The following EIF4G3 variants were observed in gnomAD, a reference collection of about 807,000 sequenced individuals.
EIF4G3 encodes eukaryotic translation initiation factor 4 gamma 3, also known as eIF-4-gamma 3.
Under a neutral mutation model 186.4 loss-of-function variants are expected in EIF4G3, and 34 were observed. The ratio of observed to expected loss-of-function variants is 0.18; its 90% CI spans 0.14 to 0.24. The LOEUF is 0.24. Among genes scored for constraint, EIF4G3 ranks in the 10% least tolerant of loss-of-function variants. The pLI is 1.00. For synonymous variants in EIF4G3, 673 were observed against 679.5 expected, an observed-to-expected ratio of 0.99 and a Z score of 0.15; for missense variants, 1,536 against 1,948.5, an observed-to-expected ratio of 0.79 and a Z score of 3.99.
intron 13 of EIF4G3, among the ~76,000 whole-genome samples, chr1:20,944,881 C>T (rs898460796): frequency 6.6e-6 from 1 of 151,594 alleles, no homozygotes; most frequent in Non-Finnish European, 1.5e-5. Flanking sequence ...GGTGTGCATT[C>T]GTGGTCCCAG....
chr1:20,870,980 T>C (rs565298396), intron 20 of EIF4G3, among the ~76,000 whole-genome samples: 1 of 152,298 alleles, frequency 6.6e-6, no homozygotes, highest in South Asian at 2.1e-4. Flanking sequence ...TGTATCTGTA[T>C]GTGTGTGTAT....
At chr1:20,827,319 T>C (rs1015315695) in intron 32 of EIF4G3, among the ~76,000 whole-genome samples, 1 of 152,210 alleles carries the variant, frequency 6.6e-6, no homozygotes, top group African/African-American at 2.4e-5. Flanking sequence ...TGAAATCTAT[T>C]AAAACATATA....
chr1:20,980,418 G>T lies in EIF4G3; in HGVS notation c.409C>A (p.Pro137Thr). ...GGTTGAACTGGATATTGTTGGGGGG[G>T]CCCAACATAAGGAGGGCCACTATGA... ...YRHSGPPYVG[P>T]PQQYPVQPPG... Residue 137 changes from proline to threonine, a missense_variant, in exon 10 of 37, where the codon CCC (proline) becomes ACC (threonine). Coordinates refer to ENST00000602326, the MANE Select transcript of EIF4G3 (RefSeq NM_001391906.1). The T allele has an allele frequency of 6.5e-7, 1 of 1,544,932 alleles. No homozygotes were observed.
intron 14 of EIF4G3, among the ~76,000 whole-genome samples, chr1:20,929,747 C>T (rs1362618234): frequency 6.6e-6 from 1 of 152,056 alleles, no homozygotes; most frequent in Non-Finnish European, 1.5e-5. Context: ...GAAACAGACT[C>T]AAAGAGGTTA....
chr1:21,128,822 AAGATTACTATT>A (rs2097098640), intron 2 of EIF4G3, among the ~76,000 whole-genome samples: 1 of 152,210 alleles, frequency 6.6e-6, no homozygotes. Context: ...ATTAATCTGA[AAGATTACTATT>A]AGATTTCTGT....
chr1:20,837,444 T>C (rs952621500), intron 30 of EIF4G3, among the ~76,000 whole-genome samples: 16 of 152,174 alleles, frequency 1.1e-4, no homozygotes, highest in Admixed American at 1.0e-3. Context: ...GACCTCGTGA[T>C]CCACCTGCCT....
intron 7 of EIF4G3, chr1:20,988,420 C>G (rs1004833682): frequency 5.9e-6 from 1 of 168,818 alleles, no homozygotes; most frequent in South Asian, 2.1e-4. Context: ...TTCAAAGCTT[C>G]AACAGGCTGA....
intron 2 of EIF4G3, among the ~76,000 whole-genome samples, chr1:21,103,115 C>T (rs993227350): frequency 6.6e-6 from 1 of 152,124 alleles, no homozygotes; most frequent in Non-Finnish European, 1.5e-5. Context: ...CTCCTTAATG[C>T]TTTTAATATA....
At chr1:21,011,810 T>C (rs910997320) in intron 4 of EIF4G3, among the ~76,000 whole-genome samples, 1 of 152,208 alleles carries the variant, frequency 6.6e-6, no homozygotes, top group Admixed American at 6.5e-5. Context: ...TATACTGTAT[T>C]GATCAAGTGA....
At chr1:21,097,899 G>A (rs2096413322) in intron 2 of EIF4G3, among the ~76,000 whole-genome samples, 1 of 151,892 alleles carries the variant, frequency 6.6e-6, no homozygotes. Context: ...CTTGGATTAG[G>A]CCAAGAGTTC....
At chr1:20,817,787 A>G (rs998526911) in intron 33 of EIF4G3, among the ~76,000 whole-genome samples, 3 of 141,832 alleles carry the variant, frequency 2.1e-5, no homozygotes, top group African/African-American at 7.9e-5. Flanking sequence ...CAATCCTCCC[A>G]CCTCAGCCTC....
At position 20,981,240 on chromosome 1, in the gene EIF4G3, GA is replaced by G. The variant is rs199719743; in HGVS notation, c.199-14del. 0.014 allele frequency: 20,356 copies of G among 1,449,512 alleles called. 127 individuals are homozygous for G. Among genetic ancestry groups the G allele is most frequent in the East Asian group, 0.1 (4,249 of 40,886 alleles). The allele number at this position is 1,449,512 out of a possible 1,614,324, so 89.8% of individuals were successfully genotyped here. On this transcript the variant is annotated splice_polypyrimidine_tract_variant and intron_variant, in intron 8 of 36. Transcript: ENST00000602326. ...GCCTCTGGAAAAACTGGGAAGGGGAGAAAAAAAAAATTTTTTTTTTTTTTTA... is the reference window on the plus strand; with the variant it reads ...GCCTCTGGAAAAACTGGGAAGGGGAGAAAAAAAAATTTTTTTTTTTTTTTA...
At chr1:20,848,874 C>G (rs1016521820) in intron 29 of EIF4G3, among the ~76,000 whole-genome samples, 2 of 151,498 alleles carry the variant, frequency 1.3e-5, no homozygotes, top group Non-Finnish European at 2.9e-5. Context: ...TGGTGAAACC[C>G]CGCCTCTACT....
intron 2 of EIF4G3, among the ~76,000 whole-genome samples, chr1:21,110,839 T>C (rs1399255364): frequency 2.6e-5 from 4 of 152,212 alleles, no homozygotes; most frequent in Admixed American, 6.5e-5. Context: ...AGTGCTAGGA[T>C]TATAGGCGTG....
At chr1:20,936,210 GA>G (rs1057219120) in intron 14 of EIF4G3, among the ~76,000 whole-genome samples, 2 of 152,170 alleles carry the variant, frequency 1.3e-5, no homozygotes, top group African/African-American at 4.8e-5. Flanking sequence ...ACTGGGGAGG[GA>G]AACAAGAAAA....
At chr1:21,083,902 T>C (rs1054467138) in intron 3 of EIF4G3, among the ~76,000 whole-genome samples, 6 of 152,242 alleles carry the variant, frequency 3.9e-5, no homozygotes, top group East Asian at 1.9e-4. Context: ...TCTCCACAAA[T>C]AGGACCACTC....
At chr1:20,830,320 C>A (rs1318388433) in intron 30 of EIF4G3, among the ~76,000 whole-genome samples, 1 of 152,192 alleles carries the variant, frequency 6.6e-6, no homozygotes, top group Non-Finnish European at 1.5e-5. Flanking sequence ...GCTGCCACTT[C>A]AAAACAGTTT....
chr1:21,151,236 C>CTTTTTTTTTTTTTTTT lies in EIF4G3; in HGVS notation c.-272+24923_-272+24938dup, dbSNP rs71014161. ...TTTAATGGTTATATAGTATTTCTTT[C>CTTTTTTTTTTTTTTTT]TTTTTTTTTTTTTTTTTTTTGAGAT... On this transcript the variant is annotated intron_variant, in intron 2 of 36. Coordinates refer to ENST00000602326, the MANE Select transcript of EIF4G3 (RefSeq NM_001391906.1). Among the ~76,000 whole-genome samples, 11 of 80,440 alleles carry CTTTTTTTTTTTTTTTT rather than the reference C, an allele frequency of 1.4e-4. 1 individual carries two copies. Among genetic ancestry groups the CTTTTTTTTTTTTTTTT allele is most frequent in the East Asian group, 8.9e-4 (2 of 2,244 alleles). The allele number at this position is 80,440 out of a possible 152,430, so 52.8% of individuals were successfully genotyped here.
chr1:20,860,397 T>C lies in EIF4G3; in HGVS notation c.3232A>G (p.Lys1078Glu). The change falls in exon 24 of 37, where the codon AAG (lysine) becomes GAG (glutamate). Residue 1078 changes from lysine (K) to glutamate (E), a missense_variant. Physicochemically the swap from Lys to Glu is moderately conservative, Grantham distance 56. Coordinates refer to ENST00000602326, the MANE Select transcript of EIF4G3 (RefSeq NM_001391906.1). ...ATTCCGGCCTCACCTGGTCTTCTCT[T>C]CTCTTTGGTCATGAGTTGCTGGACC... The part of the protein sequence containing the change: ...RKVQQLMTKE[K>E]RRPGVQRVDE... 6.2e-7 allele frequency: 1 copy of C among 1,614,094 alleles called. No individual in the cohort carries two copies. The highest frequency in any genetic ancestry group is 8.5e-7 in the Non-Finnish European group (1 of 1,179,988).
Sources: gnomAD v4.1 joint callset for allele counts (sites outside exome capture counted in the v4.1 genomes callset) on GRCh38, gnomAD v4.1.1 for gene constraint, MANE v1.5 for transcripts, NCBI Gene and HGNC (gene_info 2026-07-23, HGNC 2026-07-21) for gene names.